CDC42BPG: variants seen among roughly 807,000 people sequenced by gnomAD.
CDC42BPG encodes the protein serine/threonine-protein kinase MRCK gamma.
CDC42BPG carries 157 observed loss-of-function variants against 192.2 expected under a neutral mutation model. The ratio of observed to expected loss-of-function variants is 0.82; its 90% confidence interval spans 0.72 to 0.93. CDC42BPG has a LOEUF of 0.93. Ranked by LOEUF, CDC42BPG falls within the 40% of genes least tolerant of loss-of-function variation. The pLI is 0.00. For synonymous variants in CDC42BPG, 981 were observed against 918.5 expected, an observed-to-expected ratio of 1.07 and a Z score of -1.23; for missense variants, 1,992 against 2,122.1, an observed-to-expected ratio of 0.94 and a Z score of 1.20.
rs561218058 is a variant in CDC42BPG at position 64,833,973 on chromosome 11, G to C, written c.2418C>G (p.Thr806=). The part of the protein sequence containing the change: ...EELRARGPVD[T]KPSNSLIPFL... ...AGGGAATCAGGGAGTTTGAGGGCTT[G>C]GTGTCTGCAAAGAAAGGGTGGGTCA... Residue 806 remains threonine (T), a synonymous_variant, in exon 21 of 37, where the codon ACC becomes ACG. Transcript: ENST00000342711. 6.2e-7 allele frequency: 1 copy of C among 1,614,212 alleles called. No individual in the cohort carries two copies. Among genetic ancestry groups the C allele is most frequent in the Non-Finnish European group, 8.5e-7 (1 of 1,180,024 alleles).
At chr11:64,843,227 C>G (rs1395659987) in intron 1 of CDC42BPG, among the ~76,000 whole-genome samples, 1 of 152,040 alleles carries the variant, frequency 6.6e-6, no homozygotes, top group Non-Finnish European at 1.5e-5. Flanking sequence ...TTTGAGTTAC[C>G]TTGGGAGATT....
chr11:64,827,256 C>A lies in CDC42BPG; in HGVS notation c.4271+22G>T, dbSNP rs773073824. The stretch of plus-strand genomic sequence containing the variant: ...CGGAGGCGGCCCCACCCAGCCTCAG[C>A]CCCCGCGTCGTGCACGCGCACCTGC... On this transcript the variant is annotated intron_variant, in intron 33 of 36. Transcript: ENST00000342711. 3.7e-6 allele frequency: 6 copies of A among 1,613,178 alleles called. No homozygotes were observed. In the South Asian group the frequency reaches 4.4e-5, roughly 12 times the overall value.
Position 64,826,693 on chromosome 11 carries a change from G to A in CDC42BPG, c.4491C>T (p.Gly1497=). The A allele has an allele frequency of 2.6e-6, 4 of 1,556,764 alleles. No homozygotes were observed. The highest frequency in any genetic ancestry group is 3.5e-6 in the Non-Finnish European group (4 of 1,151,788). The change falls in exon 35 of 37, where the codon GGC becomes GGT. Residue 1497 remains glycine, a synonymous_variant. Coordinates refer to ENST00000342711, the MANE Select transcript of CDC42BPG (RefSeq NM_017525.3). The stretch of plus-strand genomic sequence containing the variant: ...TACTGGGGTCTGCGTCTCCACCGAG[G>A]CCTTCGCTGCCCATGGAGGCTGGGC... The part of the protein sequence containing the change: ...LRRPASMGSE[G]LGGDADPMKR...
At position 64,836,726 on chromosome 11, in the gene CDC42BPG, G is replaced by GGGGGGGGGGGGGC; in HGVS notation, c.1384+12_1384+13insGCCCCCCCCCCCC. 1 of 889,330 alleles carries GGGGGGGGGGGGGC rather than the reference G, an allele frequency of 1.1e-6. No homozygotes were observed. The highest frequency in any genetic ancestry group is 1.6e-6 in the Non-Finnish European group (1 of 622,134). The allele number at this position is 889,330 out of a possible 1,614,324, so 55.1% of individuals were successfully genotyped here. A position where few individuals can be genotyped will look rare whatever the true frequency, so the allele number is the denominator to read the frequency against. ...AGCCCTGGGGGGGGGGGGGGGGTGG[G>GGGGGGGGGGGGGC]CGGAAGGGATACCTGGCAGCCTGTC... On this transcript the variant is annotated intron_variant, in intron 11 of 36. Coordinates refer to ENST00000342711, the MANE Select transcript of CDC42BPG (RefSeq NM_017525.3).
chr11:64,833,120 G>T, intron 24 of CDC42BPG, 111 bp downstream of exon 24: 1 of 1,281,318 alleles, frequency 7.8e-7, no homozygotes. Flanking sequence ...CTGAGCAGGA[G>T]GAAATTTGAC....
At chr11:64,829,385 C>T (rs1942575526) in intron 30 of CDC42BPG, 86 bp downstream of exon 30, 1 of 1,525,488 alleles carries the variant, frequency 6.6e-7, no homozygotes, top group Non-Finnish European at 8.8e-7. Flanking sequence ...CCTCCAATGC[C>T]AGGCTCATGA....
intron 30 of CDC42BPG, among the ~76,000 whole-genome samples, chr11:64,829,265 C>T (rs1216384853): frequency 6.6e-6 from 1 of 152,130 alleles, no homozygotes; most frequent in Non-Finnish European, 1.5e-5. Context: ...GAGAGCGGCT[C>T]AGGCAGGAGA....
At chr11:64,829,357 GC>G in intron 30 of CDC42BPG, 113 bp downstream of exon 30, 1 of 1,361,424 alleles carries the variant, frequency 7.3e-7, no homozygotes, top group East Asian at 2.3e-5. Context: ...GCTGGAGGAT[GC>G]AAACTGGCAC....
intron 36 of CDC42BPG, among the ~76,000 whole-genome samples, chr11:64,826,044 G>A (rs1338476382): frequency 7.0e-6 from 1 of 143,124 alleles, no homozygotes; most frequent in African/African-American, 2.7e-5. Context: ...TCCAGTCTGG[G>A]TGACAGAGTG....
Position 64,844,452 on chromosome 11 carries a change from G to C in CDC42BPG, c.118C>G (p.Pro40Ala). The C allele has an allele frequency of 6.8e-7, 1 of 1,472,918 alleles. No homozygotes were observed. The highest frequency in any genetic ancestry group is 8.9e-7 in the Non-Finnish European group (1 of 1,117,886). 91.2% of individuals were successfully genotyped at this position (1,472,918 alleles called of 1,614,324 possible). Residue 40 changes from proline (P) to alanine (A), a missense_variant, in exon 1 of 37, where the codon CCC becomes GCC. This residue lies in a region of CDC42BPG where 1,656 missense variants were observed against 1,844.3 expected (regional missense o/e 0.90). Transcript: ENST00000342711. The part of the protein sequence containing the change: ...LALHHELSSG[P>A]LRRERSVAQF... The stretch of plus-strand genomic sequence containing the variant: ...GCCACGCTGCGCTCCCGCCGTAGGG[G>C]GCCGCTGCTGAGCTCGTGGTGCAGC...
chr11:64,839,974 G>T, intron 5 of CDC42BPG, 146 bp downstream of exon 5: 1 of 811,810 alleles, frequency 1.2e-6, no homozygotes, highest in Non-Finnish European at 1.9e-6. Context: ...TCTTTGGTAT[G>T]ATTCCAAGGA....
chr11:64,826,360 G>T, intron 36 of CDC42BPG, 110 bp downstream of exon 36: 1 of 757,410 alleles, frequency 1.3e-6, no homozygotes, highest in Non-Finnish European at 2.3e-6. Flanking sequence ...ATCGAGGGCA[G>T]GGATGGGCTC....
At position 64,836,734 on chromosome 11, in the gene CDC42BPG, G is replaced by GGGGGGGT. The variant is rs757947077; in HGVS notation, c.1384+4_1384+5insACCCCCC. 1 of 1,320,792 alleles carries GGGGGGGT rather than the reference G, an allele frequency of 7.6e-7. No homozygotes were observed. Among genetic ancestry groups the GGGGGGGT allele is most frequent in the African/African-American group, 1.5e-5 (1 of 66,498 alleles). 81.8% of individuals were successfully genotyped at this position (1,320,792 alleles called of 1,614,324 possible). On this transcript the variant is annotated splice_donor_region_variant and intron_variant, in intron 11 of 36. Coordinates refer to ENST00000342711, the MANE Select transcript of CDC42BPG (RefSeq NM_017525.3). ...GGGGGGGGGGGGGGTGGGCGGAAGGGATACCTGGCAGCCTGTCCCGCAGAG... is the reference window on the plus strand; with the variant it reads ...GGGGGGGGGGGGGGTGGGCGGAAGGGGGGGGGTATACCTGGCAGCCTGTCCCGCAGAG...
chr11:64,832,162 G>A (rs1394738524), intron 27 of CDC42BPG, among the ~76,000 whole-genome samples: 1 of 152,224 alleles, frequency 6.6e-6, no homozygotes, highest in Non-Finnish European at 1.5e-5. Context: ...AGCAGAGACA[G>A]GTGCCAAGGG....
At chr11:64,844,369 T>C in intron 1 of CDC42BPG, 41 bp downstream of exon 1, 1 of 1,343,910 alleles carries the variant, frequency 7.4e-7, no homozygotes, top group Non-Finnish European at 9.5e-7. Flanking sequence ...CGGCGCGATA[T>C]CCCTAGGCCC....
At chr11:64,833,361 C>T in intron 23 of CDC42BPG, 25 bp from the exon 24 acceptor site, 2 of 1,278,450 alleles carry the variant, frequency 1.6e-6, no homozygotes, top group Non-Finnish European at 2.2e-6. Context: ...AGCCATTACC[C>T]AAGGCCTCCC....
chr11:64,838,017 G>A lies in CDC42BPG; in HGVS notation c.1205+66C>T, dbSNP rs888549652. ...CCTTCCCAGGGCCCCAGTGGGCTACGCGCCCAGTGTCCTCCAGGTCAGGCA... is the reference window on the plus strand; with the variant it reads ...CCTTCCCAGGGCCCCAGTGGGCTACACGCCCAGTGTCCTCCAGGTCAGGCA... On this transcript the variant is annotated intron_variant, in intron 9 of 36. Coordinates refer to ENST00000342711, the MANE Select transcript of CDC42BPG (RefSeq NM_017525.3). 85 of 1,354,746 alleles carry A rather than the reference G, an allele frequency of 6.3e-5. No homozygotes were observed. The East Asian group carries it at 1.4e-3, about 23-fold the overall frequency. 83.9% of individuals were successfully genotyped at this position (1,354,746 alleles called of 1,614,324 possible).
At position 64,832,736 on chromosome 11, in the gene CDC42BPG, C is replaced by A; in HGVS notation, c.2873G>T (p.Arg958Leu). 6.2e-7 allele frequency: 1 copy of A among 1,606,734 alleles called. No individual in the cohort carries two copies. Among genetic ancestry groups the A allele is most frequent in the Non-Finnish European group, 8.5e-7 (1 of 1,176,638 alleles). Reference protein sequence around the residue: ...TAYEGFLSVPRPSGVRRGWQR... With the variant: ...TAYEGFLSVPLPSGVRRGWQR... ...CCAGCCCCGCCGGACACCTGAGGGC[C>A]GCGGCACCTGGCGGAAAGGCAAGCA... The change falls in exon 26 of 37, where the codon CGG becomes CTG. Residue 958 changes from arginine to leucine, a missense_variant. Arg to Leu is a moderately radical substitution (Grantham distance 102). Around this residue, in one of 2 missense-constraint regions of CDC42BPG, gnomAD observed 1,656 missense variants for 1,844.3 expected, o/e 0.90. Coordinates refer to ENST00000342711, the MANE Select transcript of CDC42BPG (RefSeq NM_017525.3).
In CDC42BPG at chr11:64,830,203, G is replaced by T; in HGVS notation, c.3358C>A (p.Arg1120Ser). 2 of 1,613,538 alleles carry T rather than the reference G, an allele frequency of 1.2e-6. No individual in the cohort carries two copies. Among genetic ancestry groups the T allele is most frequent in the Non-Finnish European group, 1.7e-6 (2 of 1,179,778 alleles). The change falls in exon 29 of 37, where the codon CGC becomes AGC. Residue 1120 changes from arginine to serine, a missense_variant. Physicochemically the swap from Arg to Ser is moderately radical, Grantham distance 110 (BLOSUM62 -1). Transcript: ENST00000342711. ...TEEGLFVIHL[R>S]SNDIFQVGEC... Reference sequence around the variant, plus strand: ...CAGCTTTGATAGGTACCGTTGCTGCGCAGATGGATGACAAAGAGCCCCTCC... The same window carrying T: ...CAGCTTTGATAGGTACCGTTGCTGCTCAGATGGATGACAAAGAGCCCCTCC...
Sources: allele counts gnomAD v4.1 joint callset (sites outside exome capture counted in the v4.1 genomes callset), GRCh38; gene constraint gnomAD v4.1.1; regional missense constraint gnomAD v4.1.1; transcripts MANE v1.5; gene names NCBI Gene and HGNC (gene_info 2026-07-23, HGNC 2026-07-21).